SMYD3: variants seen among roughly 807,000 people sequenced by gnomAD.
SMYD3 encodes the protein histone-lysine N-methyltransferase SMYD3.
SMYD3 carries 36 observed loss-of-function variants against 57.7 expected under a neutral mutation model. That is an observed-to-expected ratio of 0.62 (90% confidence interval 0.48 to 0.82). The LOEUF is 0.82. SMYD3 is among the 40% of genes least tolerant of loss of function. SMYD3 has a pLI of 0.00. For missense variants in SMYD3, 515 were observed against 538.8 expected, an observed-to-expected ratio of 0.96 and a Z score of 0.44; for synonymous variants, 211 against 195.0, an observed-to-expected ratio of 1.08 and a Z score of -0.68.
At chr1:246,233,624 G>A (rs1447593493) in intron 5 of SMYD3, among the ~76,000 whole-genome samples, 3 of 137,324 alleles carry the variant, frequency 2.2e-5, no homozygotes, top group South Asian at 5.3e-4. Context: ...ACCACACAGA[G>A]GAGAAGCACT....
At chr1:246,303,033 A>G (rs1246961524) in intron 5 of SMYD3, among the ~76,000 whole-genome samples, 1 of 152,176 alleles carries the variant, frequency 6.6e-6, no homozygotes, top group Non-Finnish European at 1.5e-5. Flanking sequence ...CAGAAAAAGC[A>G]ATGGAATGAA....
intron 1 of SMYD3, among the ~76,000 whole-genome samples, chr1:246,480,361 G>A (rs926490682): frequency 3.9e-5 from 6 of 152,122 alleles, no homozygotes; most frequent in African/African-American, 7.2e-5. Context: ...TCTGTCACAC[G>A]TATTTAAAGT....
At chr1:245,783,375 C>G (rs1217315479) in intron 10 of SMYD3, among the ~76,000 whole-genome samples, 1 of 152,100 alleles carries the variant, frequency 6.6e-6, no homozygotes, top group African/African-American at 2.4e-5. Context: ...CATCTGTTGT[C>G]CAGTTACAGA....
chr1:246,287,906 G>A (rs1426431245), intron 5 of SMYD3, among the ~76,000 whole-genome samples: 4 of 152,092 alleles, frequency 2.6e-5, no homozygotes, highest in Non-Finnish European at 5.9e-5. Flanking sequence ...GGAATGAGAA[G>A]CTCACCTTGC....
chr1:245,812,950 G>GGGTGAGGA (rs1355743345), intron 10 of SMYD3, among the ~76,000 whole-genome samples: 1 of 151,538 alleles, frequency 6.6e-6, no homozygotes, highest in African/African-American at 2.4e-5. Context: ...GGGGTAGTTG[G>GGGTGAGGA]GGTGAGGAGG....
intron 5 of SMYD3, among the ~76,000 whole-genome samples, chr1:246,065,965 C>A (rs2060333505): frequency 6.6e-6 from 1 of 152,086 alleles, no homozygotes; most frequent in African/African-American, 2.4e-5. Context: ...TCCTTTACAT[C>A]TGTTTTTGTT....
At chr1:246,501,054 T>C (rs2068448488) in intron 1 of SMYD3, among the ~76,000 whole-genome samples, 1 of 152,326 alleles carries the variant, frequency 6.6e-6, no homozygotes, top group South Asian at 2.1e-4. Flanking sequence ...AAATCCTACT[T>C]CAAGCCATCG....
At chr1:246,071,729 A>G (rs1411776750) in intron 5 of SMYD3, among the ~76,000 whole-genome samples, 6 of 152,176 alleles carry the variant, frequency 3.9e-5, no homozygotes, top group Non-Finnish European at 1.5e-5. Flanking sequence ...CTGAAAGCCA[A>G]GTTCTGGGGA....
At position 246,187,461 on chromosome 1, in the gene SMYD3, T is replaced by C. The variant is rs551566712; in HGVS notation, c.531+139740A>G. On this transcript the variant is annotated intron_variant, in intron 5 of 11. Transcript: ENST00000490107. ...GAAGAGAACAGAAAGCAAGGAATAATGTTTAAAACTAATTTGGCACAATTT... is the reference window on the plus strand; with the variant it reads ...GAAGAGAACAGAAAGCAAGGAATAACGTTTAAAACTAATTTGGCACAATTT... Among the ~76,000 whole-genome samples, 6 of 152,280 alleles carry C rather than the reference T, an allele frequency of 3.9e-5. No individual in the cohort carries two copies. The South Asian group carries it at 1.2e-3, about 32-fold the overall frequency.
rs562308429 is a variant in SMYD3, at chr1:245,775,891, A to G, written c.1077-11742T>C. Among the ~76,000 whole-genome samples the G allele has an allele frequency of 2.3e-3, 346 of 152,344 alleles. 2 individuals are homozygous for G. Among genetic ancestry groups the G allele is most frequent in the Non-Finnish European group, 3.7e-3 (249 of 68,022 alleles). ...AATTTCTAACATTTTAGTTGAAAGG[A>G]AAATCATCCCAGATGGATGGTCTAA... On this transcript the variant is annotated intron_variant, in intron 10 of 11. Transcript: ENST00000490107.
chr1:246,456,270 G>A (rs1173917405), intron 1 of SMYD3, among the ~76,000 whole-genome samples: 2 of 152,170 alleles, frequency 1.3e-5, no homozygotes, highest in Admixed American at 6.5e-5. Context: ...CTTCACATTA[G>A]CATTACCTCA....
intron 2 of SMYD3, among the ~76,000 whole-genome samples, chr1:246,348,409 C>G (rs1185103948): frequency 6.6e-6 from 1 of 151,724 alleles, no homozygotes; most frequent in Non-Finnish European, 1.5e-5. Flanking sequence ...GAGCAAGACT[C>G]TGTCTCGGAA....
At chr1:246,281,597 G>A (rs1027896856) in intron 5 of SMYD3, among the ~76,000 whole-genome samples, 2 of 152,168 alleles carry the variant, frequency 1.3e-5, no homozygotes, top group East Asian at 1.9e-4. Context: ...TGTATCCTCA[G>A]AACCTCATAT....
chr1:246,226,244 A>C (rs1179692247), intron 5 of SMYD3, among the ~76,000 whole-genome samples: 1 of 152,204 alleles, frequency 6.6e-6, no homozygotes, highest in African/African-American at 2.4e-5. Context: ...TCATACTGAT[A>C]CCGAATTTCT....
At chr1:245,865,147 T>TGATATTTACTGATATTTACTGATATC in intron 8 of SMYD3, among the ~76,000 whole-genome samples, 1 of 152,216 alleles carries the variant, frequency 6.6e-6, no homozygotes, top group Admixed American at 6.5e-5. Flanking sequence ...TTACTGATAT[T>TGATATTTACTGATATTTACTGATATC]GATATTTACT....
intron 5 of SMYD3, among the ~76,000 whole-genome samples, chr1:245,987,569 C>T (rs901743951): frequency 1.3e-5 from 2 of 152,234 alleles, no homozygotes; most frequent in African/African-American, 2.4e-5. Flanking sequence ...ACGCTAAGAA[C>T]TTCACGTTTT....
chr1:245,867,649 C>G (rs571191725), intron 8 of SMYD3, among the ~76,000 whole-genome samples: 2,976 of 133,618 alleles, frequency 0.022, 105 homozygotes, highest in African/African-American at 0.078. Context: ...TGTGCATGCG[C>G]GTGCGTGTGC....
At chr1:246,334,110 T>C (rs1272410972) in intron 3 of SMYD3, among the ~76,000 whole-genome samples, 2 of 152,078 alleles carry the variant, frequency 1.3e-5, no homozygotes, top group Non-Finnish European at 2.9e-5. Context: ...GGAACACTTA[T>C]CTACTGTTAG....
chr1:246,490,950 G>A (rs964786424), intron 1 of SMYD3, among the ~76,000 whole-genome samples: 9 of 148,600 alleles, frequency 6.1e-5, no homozygotes, highest in African/African-American at 2.2e-4. Context: ...TTAAGTATGA[G>A]TACCTGTTAT....
Sources: gnomAD v4.1 joint callset for allele counts (sites outside exome capture counted in the v4.1 genomes callset) on GRCh38, gnomAD v4.1.1 for gene constraint, MANE v1.5 for transcripts, NCBI Gene and HGNC (gene_info 2026-07-23, HGNC 2026-07-21) for gene names.